LMX1A: variants seen among roughly 807,000 people sequenced by gnomAD.
LMX1A encodes LIM homeobox transcription factor 1-alpha.
LMX1A carries 15 observed loss-of-function variants against 49.1 expected under a neutral mutation model. The ratio of observed to expected loss-of-function variants is 0.31; its 90% CI spans 0.20 to 0.47. The LOEUF (loss-of-function observed/expected upper bound fraction) is 0.47, where lower values mean the gene tolerates loss of function less well. Among genes scored for constraint, LMX1A ranks in the 20% least tolerant of loss-of-function variants. The pLI, the probability that LMX1A is intolerant of heterozygous loss-of-function variation, is 1.00. For missense variants in LMX1A, 372 were observed against 475.8 expected (o/e 0.78, Z 2.03); for synonymous variants, 167 against 185.7 (o/e 0.90, Z 0.82).
chr1:165,352,532 C>CA (rs1399774045), intron 3 of LMX1A, among the ~76,000 whole-genome samples: 1 of 152,246 alleles, frequency 6.6e-6, no homozygotes, highest in Non-Finnish European at 1.5e-5. Context: ...TTTCCGAGCC[C>CA]AAACTGTCCG....
chr1:165,299,719 T>G (rs1654717942), intron 3 of LMX1A, among the ~76,000 whole-genome samples: 1 of 150,264 alleles, frequency 6.7e-6, no homozygotes, highest in African/African-American at 2.5e-5. Context: ...CATATTTCTC[T>G]CTTGGAGTTC....
At chr1:165,302,271 C>T (rs894877174) in intron 3 of LMX1A, among the ~76,000 whole-genome samples, 1 of 151,888 alleles carries the variant, frequency 6.6e-6, no homozygotes, top group African/African-American at 2.4e-5. Context: ...TGGAGAAACC[C>T]CATCTCTACT....
chr1:165,305,994 G>A (rs528350327), intron 3 of LMX1A, among the ~76,000 whole-genome samples: 7 of 152,294 alleles, frequency 4.6e-5, no homozygotes, highest in South Asian at 2.1e-4. Flanking sequence ...AGTACAATGC[G>A]TTACTAGCAT....
At chr1:165,242,817 CTACT>C (rs1177771559) in intron 4 of LMX1A, among the ~76,000 whole-genome samples, 2 of 150,524 alleles carry the variant, frequency 1.3e-5, no homozygotes, top group East Asian at 3.9e-4. Context: ...ATAGTCCCAG[CTACT>C]TGGGAGGCTG....
At chr1:165,316,908 G>A (rs1256702484) in intron 3 of LMX1A, among the ~76,000 whole-genome samples, 1 of 152,118 alleles carries the variant, frequency 6.6e-6, no homozygotes, top group African/African-American at 2.4e-5. Flanking sequence ...CCTTCCCTTT[G>A]AGACATGTAC....
At chr1:165,337,343 A>T (rs992777748) in intron 3 of LMX1A, among the ~76,000 whole-genome samples, 3 of 152,226 alleles carry the variant, frequency 2.0e-5, no homozygotes, top group African/African-American at 7.2e-5. Flanking sequence ...GGGAAGATTG[A>T]AAAGCAACTA....
intron 3 of LMX1A, among the ~76,000 whole-genome samples, chr1:165,306,682 C>T (rs1316524521): frequency 6.6e-6 from 1 of 152,208 alleles, no homozygotes; most frequent in African/African-American, 2.4e-5. Flanking sequence ...GGCTCCTTCC[C>T]AAATGTAGTC....
chr1:165,275,836 GGTGTGTGTGTATGTGTGTGT>G (rs1179890146), intron 3 of LMX1A, among the ~76,000 whole-genome samples: 1 of 128,248 alleles, frequency 7.8e-6, no homozygotes, highest in Non-Finnish European at 1.7e-5. Flanking sequence ...ATGGCGCTGG[GGTGTGTGTGTATGTGTGTGT>G]GTGTGTGTGT....
At chr1:165,304,318 T>C (rs1281553162) in intron 3 of LMX1A, among the ~76,000 whole-genome samples, 2 of 152,182 alleles carry the variant, frequency 1.3e-5, no homozygotes, top group African/African-American at 4.8e-5. Context: ...CCTCCAAGAT[T>C]GTAGTCCAGT....
At chr1:165,219,792 G>C (rs1005687131) in intron 4 of LMX1A, among the ~76,000 whole-genome samples, 1 of 152,204 alleles carries the variant, frequency 6.6e-6, no homozygotes, top group African/African-American at 2.4e-5. Context: ...AATGTGTGGA[G>C]CACTGCACAG....
rs1652061236 is a variant in LMX1A at position 165,227,043 on chromosome 1, A to AG, written c.497-13231dup. The stretch of plus-strand genomic sequence containing the variant: ...CCAAGATGCTGAGGGAATACAACGG[A>AG]GGGGCATCTAATGTGGTCTCAGGGG... On this transcript the variant is annotated intron_variant, in intron 4 of 8. Coordinates refer to ENST00000342310, the MANE Select transcript of LMX1A (RefSeq NM_177398.4). Among the ~76,000 whole-genome samples the AG allele has an allele frequency of 5.9e-5, 9 of 152,308 alleles. No individual in the cohort carries two copies. In the South Asian group the frequency reaches 1.9e-3, roughly 32 times the overall value.
At chr1:165,208,221 C>T (rs922919897) in intron 6 of LMX1A, 89 bp from the exon 7 acceptor site, 25 of 1,172,204 alleles carry the variant, frequency 2.1e-5, no homozygotes, top group Middle Eastern at 4.0e-4. Flanking sequence ...ACACCTTCCC[C>T]GGGAGAGGGC....
At position 165,316,383 on chromosome 1, in the gene LMX1A, C is replaced by T. The variant is rs141920409; in HGVS notation, c.263+36693G>A. 4.3e-3 allele frequency among the ~76,000 whole-genome samples: 662 copies of T among 152,286 alleles called. 3 individuals are homozygous for T. The highest frequency in any genetic ancestry group is 8.9e-3 in the Admixed American group (136 of 15,294). ...TTCAGGGCCCAGGGACAGAGCAAAA[C>T]GCCCAGCTGCCTATGGAACCAGCAC... On this transcript the variant is annotated intron_variant, in intron 3 of 8. Coordinates refer to ENST00000342310, the MANE Select transcript of LMX1A (RefSeq NM_177398.4).
intron 3 of LMX1A, among the ~76,000 whole-genome samples, chr1:165,272,642 G>C (rs1441207465): frequency 1.3e-5 from 2 of 152,190 alleles, no homozygotes; most frequent in African/African-American, 4.8e-5. Context: ...ATGGAAGGAA[G>C]AGGATGAACT....
chr1:165,253,819 G>A (rs7535109), intron 3 of LMX1A, among the ~76,000 whole-genome samples: 37,289 of 152,056 alleles, frequency 0.25, 5,273 homozygotes, highest in East Asian at 0.56. Context: ...GGAACTCCAG[G>A]TTCCAGCTGC....
At chr1:165,329,414 A>AGCAAG (rs1476216764) in intron 3 of LMX1A, among the ~76,000 whole-genome samples, 4 of 114,948 alleles carry the variant, frequency 3.5e-5, no homozygotes, top group Non-Finnish European at 8.0e-5. Context: ...TTGATCTCCA[A>AGCAAG]GCAAGACAGG....
At chr1:165,334,578 C>G (rs73019128) in intron 3 of LMX1A, among the ~76,000 whole-genome samples, 4,549 of 152,260 alleles carry the variant, frequency 0.03, 224 homozygotes, top group African/African-American at 0.1. Context: ...CATACCCTGC[C>G]ACTATTTCAA....
intron 5 of LMX1A, 61 bp downstream of exon 5, chr1:165,213,580 G>T (rs1170781071): frequency 6.9e-7 from 1 of 1,451,974 alleles, no homozygotes; most frequent in Non-Finnish European, 9.5e-7. Context: ...ATCCCAGAGG[G>T]GTCTGAGTGC....
At chr1:165,251,996 T>G (rs1653075908) in intron 3 of LMX1A, among the ~76,000 whole-genome samples, 2 of 152,202 alleles carry the variant, frequency 1.3e-5, no homozygotes, top group African/African-American at 4.8e-5. Context: ...TTTCCTTTTT[T>G]CTGTCTGTTG....
Sources: allele counts gnomAD v4.1 joint callset (sites outside exome capture counted in the v4.1 genomes callset), GRCh38; gene constraint gnomAD v4.1.1; transcripts MANE v1.5; gene names NCBI Gene and HGNC (gene_info 2026-07-23, HGNC 2026-07-21).